Variants in ARMC2 observed in about 807,000 individuals in gnomAD.
ARMC2 encodes the protein armadillo repeat containing 2.
A neutral mutation model predicts 90.3 loss-of-function variants in ARMC2; 67 were observed. The ratio of observed to expected loss-of-function variants is 0.74; its 90% CI spans 0.61 to 0.91. The LOEUF (loss-of-function observed/expected upper bound fraction) is 0.91, where lower values mean the gene tolerates loss of function less well. Among genes scored for constraint, ARMC2 ranks in the 40% least tolerant of loss-of-function variants. ARMC2 has a pLI of 0.00. For synonymous variants in ARMC2, 393 were observed against 393.0 expected (o/e 1.00, Z 0.00); for missense variants, 920 against 1,030.9 (o/e 0.89, Z 1.47).
At chr6:108,967,560 A>G (rs980831223) in intron 17 of ARMC2, among the ~76,000 whole-genome samples, 1 of 152,194 alleles carries the variant, frequency 6.6e-6, no homozygotes, top group African/African-American at 2.4e-5. Flanking sequence ...ATACCAACAC[A>G]GATGCCCAAG....
the ARMC2 span, among the ~76,000 whole-genome samples, chr6:109,030,899 G>A: frequency 6.6e-6 from 1 of 152,164 alleles, no homozygotes. Context: ...GGTCTGCTCT[G>A]ACTTCAGGTC....
At chr6:108,967,122 C>T (rs996398787) in intron 17 of ARMC2, among the ~76,000 whole-genome samples, 4 of 152,212 alleles carry the variant, frequency 2.6e-5, no homozygotes, top group African/African-American at 9.7e-5. Flanking sequence ...TCCCCACTTA[C>T]TCTCTCTAGG....
chr6:108,865,521 C>G (rs938618009), intron 3 of ARMC2, among the ~76,000 whole-genome samples: 1 of 152,226 alleles, frequency 6.6e-6, no homozygotes, highest in South Asian at 2.1e-4. Context: ...CCATGAGATG[C>G]GTGTTTAAAT....
chr6:108,858,205 T>A lies in ARMC2; in HGVS notation c.225T>A (p.His75Gln), dbSNP rs745873707. Reference sequence around the variant, plus strand: ...GCACCATCTTTTATGCTAGCCTCCATGCATCCAGTTTTGAGTCATCTGATT... The same window carrying A: ...GCACCATCTTTTATGCTAGCCTCCAAGCATCCAGTTTTGAGTCATCTGATT... Reference protein sequence around the residue: ...ENRPPSSFSLHASSFESSDSR... With the variant: ...ENRPPSSFSLQASSFESSDSR... The change falls in exon 3 of 18, where the codon CAT becomes CAA. Residue 75 changes from histidine (H) to glutamine (Q), a missense_variant. By Grantham distance (24) the His-to-Gln change is conservative (BLOSUM62 0). Transcript: ENST00000392644. 5 of 1,609,542 alleles carry A rather than the reference T, an allele frequency of 3.1e-6. No individual in the cohort carries two copies. The highest frequency in any genetic ancestry group is 1.3e-5 in the African/African-American group (1 of 74,864).
rs138114205 is a variant in ARMC2 at position 108,876,195 on chromosome 6, G to A, written c.516G>A (p.Val172=). 36 of 1,612,698 alleles carry A rather than the reference G, an allele frequency of 2.2e-5. 1 individual carries two copies. Among genetic ancestry groups the A allele is most frequent in the Non-Finnish European group, 2.5e-5 (29 of 1,179,506 alleles). Residue 172 remains valine, a synonymous_variant, in exon 5 of 18, where the codon GTG becomes GTA. Transcript: ENST00000392644. ...CAGTTATGATGGGGGACTCTATGGT[G>A]AAAATAAATGGGATTTATTTAACAA... ...KETVMMGDSM[V]KINGIYLTKS...
rs1418166850 is a variant in ARMC2, at chr6:108,876,332, C to A, written c.653C>A (p.Ser218Tyr). The change falls in exon 5 of 18, where the codon TCT (serine) becomes TAT (tyrosine). Residue 218 changes from serine (S) to tyrosine (Y), a missense_variant. Coordinates refer to ENST00000392644, the MANE Select transcript of ARMC2 (RefSeq NM_032131.6). ...TTCAAAGGAACAACATCTTTACCAT[C>A]TCATCTCAAGAATGGAGGGTCAGTA... ...EMFKGTTSLP[S>Y]HLKNGGDQGK... The A allele has an allele frequency of 6.2e-7, 1 of 1,611,684 alleles. No individual in the cohort carries two copies. The highest frequency in any genetic ancestry group is 8.5e-7 in the Non-Finnish European group (1 of 1,179,110).
intron 12 of ARMC2, among the ~76,000 whole-genome samples, chr6:108,940,988 G>A (rs1776391021): frequency 6.6e-6 from 1 of 152,140 alleles, no homozygotes; most frequent in East Asian, 1.9e-4. Flanking sequence ...CGTGCGTGGT[G>A]GCACATGTCT....
chr6:109,013,034 T>G, the ARMC2 span, among the ~76,000 whole-genome samples: 3 of 151,616 alleles, frequency 2.0e-5, no homozygotes, highest in Non-Finnish European at 4.4e-5. Flanking sequence ...GAGAATTGCT[T>G]GAACCCGGGA....
intron 4 of ARMC2, among the ~76,000 whole-genome samples, chr6:108,869,593 T>C (rs1776184110): frequency 6.6e-6 from 1 of 152,164 alleles, no homozygotes; most frequent in African/African-American, 2.4e-5. Flanking sequence ...TAAATTAGAG[T>C]TCAAAAAGTT....
chr6:108,964,440 G>T, intron 16 of ARMC2, 128 bp downstream of exon 16: 1 of 1,098,082 alleles, frequency 9.1e-7, no homozygotes, highest in Non-Finnish European at 1.3e-6. Flanking sequence ...CCTAAGCTGA[G>T]GCTAAAGAGG....
At chr6:108,944,948 G>A (rs1434411230) in intron 12 of ARMC2, among the ~76,000 whole-genome samples, 2 of 152,074 alleles carry the variant, frequency 1.3e-5, no homozygotes, top group African/African-American at 4.8e-5. Context: ...GATCCATGAT[G>A]CAACTAGTAA....
In ARMC2 at chr6:108,908,547, C is replaced by T. The variant is rs145674523; in HGVS notation, c.1024-2352C>T. On this transcript the variant is annotated intron_variant, in intron 8 of 17. Coordinates refer to ENST00000392644, the MANE Select transcript of ARMC2 (RefSeq NM_032131.6). ...GGCTGAGGTGGGAGGATTGTTTGAGCCTGCTAGTTCAAGACCAGCCTGGGC... is the reference window on the plus strand; with the variant it reads ...GGCTGAGGTGGGAGGATTGTTTGAGTCTGCTAGTTCAAGACCAGCCTGGGC... Among the ~76,000 whole-genome samples the T allele has an allele frequency of 3.3e-5, 5 of 152,196 alleles. No individual in the cohort carries two copies. The East Asian group carries it at 9.7e-4, about 29-fold the overall frequency.
the ARMC2 span, among the ~76,000 whole-genome samples, chr6:109,030,001 C>G: frequency 1.3e-5 from 2 of 152,150 alleles, no homozygotes; most frequent in Non-Finnish European, 2.9e-5. Flanking sequence ...TTACGGTACC[C>G]AACCCTCAAA....
chr6:108,930,092 C>G (rs1775409269), intron 11 of ARMC2, among the ~76,000 whole-genome samples: 1 of 151,004 alleles, frequency 6.6e-6, no homozygotes, highest in Admixed American at 6.6e-5. Flanking sequence ...GTGCCACTTG[C>G]ACTCCAGCCT....
chr6:108,863,808 A>G (rs1019792875), intron 3 of ARMC2, among the ~76,000 whole-genome samples: 2 of 152,178 alleles, frequency 1.3e-5, no homozygotes, highest in African/African-American at 2.4e-5. Flanking sequence ...ACCAGCATTC[A>G]AAAGGAAAAA....
At chr6:108,877,758 G>A (rs1414878570) in intron 5 of ARMC2, among the ~76,000 whole-genome samples, 3 of 152,248 alleles carry the variant, frequency 2.0e-5, no homozygotes, top group Non-Finnish European at 4.4e-5. Flanking sequence ...TTCAGATGTG[G>A]CAGAATAATC....
the ARMC2 span, among the ~76,000 whole-genome samples, chr6:109,016,587 T>G: frequency 7.9e-5 from 12 of 152,334 alleles, no homozygotes; most frequent in African/African-American, 2.9e-4. Context: ...CACTGAACTT[T>G]CCTGTCTGTT....
chr6:108,888,562 A>C (rs1055313002), intron 5 of ARMC2, among the ~76,000 whole-genome samples: 1 of 152,238 alleles, frequency 6.6e-6, no homozygotes, highest in Non-Finnish European at 1.5e-5. Context: ...AATGAGCAGA[A>C]TTTACAGAGA....
chr6:108,881,201 TCTTTCTTTC>T (rs1175524111), intron 5 of ARMC2, among the ~76,000 whole-genome samples: 1 of 151,570 alleles, frequency 6.6e-6, no homozygotes. Context: ...TTTCTTTGTT[TCTTTCTTTC>T]CTTTCTTTTC....
Sources: gnomAD v4.1 joint callset for allele counts (sites outside exome capture counted in the v4.1 genomes callset) on GRCh38, gnomAD v4.1.1 for gene constraint, MANE v1.5 for transcripts, NCBI Gene and HGNC (gene_info 2026-07-23, HGNC 2026-07-21) for gene names.